PRKDC: variants seen among roughly 807,000 people sequenced by gnomAD.
PRKDC encodes DNA-dependent protein kinase catalytic subunit.
PRKDC carries 82 observed loss-of-function variants against 486.9 expected under a neutral mutation model. The ratio of observed to expected loss-of-function variants is 0.17; its 90% CI spans 0.14 to 0.20. The LOEUF is 0.20. Ranked by LOEUF, PRKDC falls within the 10% of genes least tolerant of loss-of-function variation. The probability of loss-of-function intolerance (pLI) is 1.00; values close to 1 mark genes in which losing one functional copy is unlikely to be tolerated. For missense variants in PRKDC, 4,504 were observed against 5,038.2 expected, an observed-to-expected ratio of 0.89 and a Z score of 3.21; for synonymous variants, 1,895 against 1,837.0, an observed-to-expected ratio of 1.03 and a Z score of -0.81.
intron 24 of PRKDC, among the ~76,000 whole-genome samples, chr8:47,913,666 T>A (rs569593311): frequency 6.6e-6 from 1 of 152,358 alleles, no homozygotes; most frequent in Non-Finnish European, 1.5e-5. Context: ...GTGCTGGGAT[T>A]ACAGGCATGA....
chr8:47,909,202 C>T (rs2089851222), intron 25 of PRKDC, among the ~76,000 whole-genome samples: 1 of 152,214 alleles, frequency 6.6e-6, no homozygotes, highest in African/African-American at 2.4e-5. Context: ...AGGGACCCCA[C>T]ACGGAGGGAC....
chr8:47,880,945 G>C (rs1464261255), intron 38 of PRKDC, among the ~76,000 whole-genome samples: 1 of 151,838 alleles, frequency 6.6e-6, no homozygotes, highest in African/African-American at 2.4e-5. Context: ...TACTTGGGAG[G>C]CTGAGGCACA....
chr8:47,933,511 T>C (rs539616494), intron 15 of PRKDC, among the ~76,000 whole-genome samples: 1 of 152,368 alleles, frequency 6.6e-6, no homozygotes, highest in Non-Finnish European at 1.5e-5. Context: ...ATATGTGTAA[T>C]ATGCATATAT....
rs1398733735 is a variant in PRKDC, at chr8:47,860,924, G to A, written c.6033C>T (p.Ala2011=). Reference sequence around the variant, plus strand: ...CTGAATCCCCATTTGCTGCTTCTCTGGCTTCTTTCCTAATTTCAATGTACT... The same window carrying A: ...CTGAATCCCCATTTGCTGCTTCTCTAGCTTCTTTCCTAATTTCAATGTACT... ...KKKYIEIRKE[A]REAANGDSDG... Residue 2011 remains alanine (A), a synonymous_variant, in exon 45 of 86, where the codon GCC becomes GCT. Coordinates refer to ENST00000314191, the MANE Select transcript of PRKDC (RefSeq NM_006904.7). 6 of 1,608,790 alleles carry A rather than the reference G, an allele frequency of 3.7e-6. No individual in the cohort carries two copies. In the East Asian group the frequency reaches 8.9e-5, roughly 24 times the overall value.
chr8:47,850,598 T>A (rs146403355), intron 52 of PRKDC, among the ~76,000 whole-genome samples: 3 of 152,196 alleles, frequency 2.0e-5, no homozygotes, highest in Non-Finnish European at 4.4e-5. Flanking sequence ...CTGAACCCCA[T>A]ATAGAATACA....
intron 58 of PRKDC, among the ~76,000 whole-genome samples, chr8:47,834,937 G>A (rs1479590861): frequency 2.0e-5 from 3 of 151,888 alleles, no homozygotes; most frequent in Non-Finnish European, 2.9e-5. Flanking sequence ...TGATCCGCCC[G>A]CCTCGGCCGC....
rs556826741 is a variant in PRKDC, at chr8:47,882,156, A to G, written c.4777-59T>C. On this transcript the variant is annotated intron_variant, in intron 36 of 85. Coordinates refer to ENST00000314191, the MANE Select transcript of PRKDC (RefSeq NM_006904.7). ...CTTAATTTTGAGAATGACAGAAAAC[A>G]AAATTTACCTTTATTTCAAAGCTAT... is the stretch of plus-strand genomic sequence containing the variant. 13 of 1,463,350 alleles carry G rather than the reference A, an allele frequency of 8.9e-6. No individual in the cohort carries two copies. In the East Asian group the frequency reaches 2.8e-4, roughly 31 times the overall value. 90.6% of individuals were successfully genotyped at this position (1,463,350 alleles called of 1,614,324 possible). A position where few individuals can be genotyped will look rare whatever the true frequency, so the allele number is the denominator to read the frequency against.
chr8:47,794,546 A>G (rs1363396790), intron 73 of PRKDC, 45 bp from the exon 74 acceptor site: 4 of 1,430,816 alleles, frequency 2.8e-6, no homozygotes, highest in Non-Finnish European at 3.8e-6. Context: ...AACATCTCAC[A>G]TCATCTGTTA....
Position 47,890,276 on chromosome 8 carries a change from G to A in PRKDC, c.4052C>T (p.Thr1351Ile), listed in dbSNP as rs1487381864. 3.1e-6 allele frequency: 5 copies of A among 1,611,306 alleles called. No homozygotes were observed. Among genetic ancestry groups the A allele is most frequent in the Admixed American group, 3.3e-5 (2 of 59,920 alleles). Residue 1351 changes from threonine (T) to isoleucine (I), a missense_variant, in exon 32 of 86, where the codon ACC (threonine) becomes ATC (isoleucine). This residue lies in a region of PRKDC where 1,969 missense variants were observed against 2,068.9 expected (regional missense o/e 0.95). Transcript: ENST00000314191. The stretch of plus-strand genomic sequence containing the variant: ...GCCTACCTTCCATCCTTCCGGGGAG[G>A]TGTTTAGCAGAGTCGTGGTAAACTC... ...IMEFTTTLLN[T>I]SPEGWKLLKK... is the part of the protein sequence containing the mutation.
intron 25 of PRKDC, among the ~76,000 whole-genome samples, chr8:47,907,411 T>TATATATAC (rs1442172975): frequency 1.3e-5 from 2 of 148,938 alleles, no homozygotes; most frequent in South Asian, 2.1e-4. Context: ...TATATATATA[T>TATATATAC]ACACACACAC....
chr8:47,780,767 A>G (rs981349278), intron 80 of PRKDC, among the ~76,000 whole-genome samples: 1 of 152,092 alleles, frequency 6.6e-6, no homozygotes, highest in Non-Finnish European at 1.5e-5. Flanking sequence ...GTGAAATCCC[A>G]TCCCTACTAA....
intron 18 of PRKDC, 66 bp downstream of exon 18, chr8:47,929,787 G>A: frequency 7.0e-7 from 1 of 1,422,058 alleles, no homozygotes; most frequent in Non-Finnish European, 9.4e-7. Context: ...CATATTTTAT[G>A]ATACATTTAT....
At position 47,780,532 on chromosome 8, in the gene PRKDC, A is replaced by G. The variant is rs1339777777; in HGVS notation, c.11490-1439T>C. ...AGTTTCACGTGTGACTTAGCAATTC[A>G]ATCACTTCAGGTGAAATCTTTTCTG... On this transcript the variant is annotated intron_variant, in intron 80 of 85. Coordinates refer to ENST00000314191, the MANE Select transcript of PRKDC (RefSeq NM_006904.7). Among the ~76,000 whole-genome samples, 5 of 152,242 alleles carry G rather than the reference A, an allele frequency of 3.3e-5. No individual in the cohort carries two copies. The East Asian group carries it at 9.6e-4, about 29-fold the overall frequency.
chr8:47,943,994 GT>G lies in PRKDC; in HGVS notation c.756del (p.Leu253Ter). 1 of 1,565,160 alleles carries G rather than the reference GT, an allele frequency of 6.4e-7. No homozygotes were observed. The highest frequency in any genetic ancestry group is 1.4e-5 in the African/African-American group (1 of 73,442). On this transcript the variant is annotated frameshift_variant, in exon 8 of 86. Coordinates refer to ENST00000314191, the MANE Select transcript of PRKDC (RefSeq NM_006904.7). LOFTEE classifies it high-confidence loss of function. ...PQTSREIFNF[V>X]LKAIRPQIDL... The stretch of plus-strand genomic sequence containing the variant: ...CCTACCTGAGGACGAATTGCCTTTA[GT>G]ACAAAATTAAAAATCTCCCTTGAAG...
At chr8:47,941,332 G>A (rs977744313) in intron 10 of PRKDC, among the ~76,000 whole-genome samples, 3 of 151,296 alleles carry the variant, frequency 2.0e-5, no homozygotes, top group African/African-American at 7.3e-5. Flanking sequence ...CCTTGCCTGG[G>A]GCCTCAGGTC....
intron 18 of PRKDC, 109 bp downstream of exon 18, chr8:47,929,744 T>C (rs2154503520): frequency 8.4e-7 from 1 of 1,189,466 alleles, no homozygotes; most frequent in Non-Finnish European, 1.1e-6. Context: ...AGAATAAAAT[T>C]AGTAGACTTT....
intron 10 of PRKDC, among the ~76,000 whole-genome samples, chr8:47,942,396 G>A (rs8178010): frequency 0.01 from 1,527 of 152,280 alleles, 27 homozygotes; most frequent in African/African-American, 0.034. Context: ...AGAGGCCAAA[G>A]ATGAGGCCCA....
chr8:47,878,591 C>T (rs2089140122), intron 39 of PRKDC, among the ~76,000 whole-genome samples: 1 of 152,156 alleles, frequency 6.6e-6, no homozygotes, highest in Non-Finnish European at 1.5e-5. Context: ...CCAGGCCGCT[C>T]CCCCGATGTT....
rs1213438081 is a variant in PRKDC, at chr8:47,837,116, T to C, written c.7761+96A>G. The stretch of plus-strand genomic sequence containing the variant: ...TTCCTTTTCAGAAAGGAATGTGTAT[T>C]CTGAGAAGGCAAAGAGCCAGTCAAA... On this transcript the variant is annotated intron_variant, in intron 57 of 85. Transcript: ENST00000314191. 337 of 1,290,912 alleles carry C rather than the reference T, an allele frequency of 2.6e-4. 2 individuals are homozygous for C. Among genetic ancestry groups the C allele is most frequent in the Admixed American group, 2.3e-5 (1 of 44,378 alleles). 80.0% of individuals were successfully genotyped at this position (1,290,912 alleles called of 1,614,324 possible). A position where few individuals can be genotyped will look rare whatever the true frequency, so the allele number is the denominator to read the frequency against.
Sources: allele counts gnomAD v4.1 joint callset (sites outside exome capture counted in the v4.1 genomes callset), GRCh38; gene constraint gnomAD v4.1.1; regional missense constraint gnomAD v4.1.1; transcripts MANE v1.5; gene names NCBI Gene and HGNC (gene_info 2026-07-23, HGNC 2026-07-21).